The following PRICKLE3 variants were observed in gnomAD, a reference collection of about 807,000 sequenced individuals.
PRICKLE3 encodes the protein prickle planar cell polarity protein 3.
In PRICKLE3, 17 loss-of-function variants were observed where a neutral mutation model predicts 33.8. The observed-to-expected ratio is 0.50, with a 90% CI of 0.34 to 0.75. PRICKLE3 has a LOEUF of 0.75. PRICKLE3 is among the 30% of genes least tolerant of loss of function. The pLI, the probability that PRICKLE3 is intolerant of heterozygous loss-of-function variation, is 0.01. For missense variants in PRICKLE3, 573 were observed against 576.7 expected, an observed-to-expected ratio of 0.99 and a Z score of 0.07; for synonymous variants, 211 against 219.6, an observed-to-expected ratio of 0.96 and a Z score of 0.34.
chrX:49,180,885 C>G (rs1057509284), intron 3 of PRICKLE3, among the ~76,000 whole-genome samples: 1 of 111,375 alleles, frequency 9.0e-6, no homozygotes, highest in African/African-American at 3.3e-5. Context: ...CCCTTGAGTT[C>G]CAGGCAATGT....
intron 3 of PRICKLE3, among the ~76,000 whole-genome samples, chrX:49,180,242 G>A (rs1461536337): frequency 1.8e-5 from 2 of 109,559 alleles, no homozygotes; most frequent in African/African-American, 6.7e-5. Context: ...ATGTTGGCCA[G>A]GCTGGTCTCG....
chrX:49,186,149 A>G, intron 1 of PRICKLE3, 107 bp downstream of exon 1: 1 of 941,868 alleles, frequency 1.1e-6, no homozygotes, highest in Non-Finnish European at 1.4e-6. Flanking sequence ...AGGGGATGGG[A>G]TTCCCAGATC....
Position 49,177,000 on chromosome X carries a change from A to T in PRICKLE3, c.1158T>A (p.Pro386=), listed in dbSNP as rs1557100163. 8.3e-7 allele frequency: 1 copy of T among 1,210,682 alleles called. No homozygotes were observed. The highest frequency in any genetic ancestry group is 1.1e-6 in the Non-Finnish European group (1 of 894,833). Reference sequence around the variant, plus strand: ...TGGAGGCTGCAAGTGGGGCTGTGACAGGGCCGGCACTCCAGCTGCGGCGGC... The same window carrying T: ...TGGAGGCTGCAAGTGGGGCTGTGACTGGGCCGGCACTCCAGCTGCGGCGGC... ...GPSRRSWSAG[P]VTAPLAASTA... is the part of the protein sequence containing the mutation. The change falls in exon 8 of 9, where the codon CCT becomes CCA. Residue 386 remains proline (P), a synonymous_variant. Transcript: ENST00000599218.
At chrX:49,185,078 C>T (rs138534333) in intron 1 of PRICKLE3, among the ~76,000 whole-genome samples, 5,497 of 111,176 alleles carry the variant, frequency 0.049, 365 homozygotes, top group African/African-American at 0.17. Context: ...AGCACAGAAC[C>T]CCTACTCTGG....
At chrX:49,182,523 C>G in intron 3 of PRICKLE3, among the ~76,000 whole-genome samples, 1 of 112,812 alleles carries the variant, frequency 8.9e-6, no homozygotes, top group East Asian at 2.8e-4. Flanking sequence ...ATATGCCAAG[C>G]ACACGCCTGC....
At position 49,176,001 on chromosome X, in the gene PRICKLE3, G is replaced by A. The variant is rs1557099889; in HGVS notation, c.1520C>T (p.Ala507Val). The change falls in exon 9 of 9, where the codon GCC becomes GTC. Residue 507 changes from alanine (A) to valine (V), a missense_variant. Coordinates refer to ENST00000599218, the MANE Select transcript of PRICKLE3 (RefSeq NM_006150.5). ...ATGATGGTGGCGGCGACGGCTGGGGGCCCTGGGTGGGGGACTGCGTGGCCT... is the reference window on the plus strand; with the variant it reads ...ATGATGGTGGCGGCGACGGCTGGGGACCCTGGGTGGGGGACTGCGTGGCCT... ...RRRPRSPPPR[A>V]PSRRRHHHHN... The A allele has an allele frequency of 8.3e-7, 1 of 1,211,022 alleles. No homozygotes were observed. Among genetic ancestry groups the A allele is most frequent in the Admixed American group, 2.2e-5 (1 of 46,008 alleles).
chrX:49,185,664 G>C (rs1557101774), intron 1 of PRICKLE3, among the ~76,000 whole-genome samples: 1 of 110,853 alleles, frequency 9.0e-6, no homozygotes, highest in Non-Finnish European at 1.9e-5. Context: ...ACTTTGGGAG[G>C]CCGAGGTGGG....
intron 2 of PRICKLE3, 115 bp downstream of exon 2, chrX:49,184,510 A>C: frequency 1.4e-5 from 10 of 693,618 alleles, no homozygotes; most frequent in Non-Finnish European, 2.1e-5. Flanking sequence ...TCTTTTCCCA[A>C]CTGAGATCCC....
chrX:49,184,646 C>T lies in PRICKLE3; in HGVS notation c.107G>A (p.Gly36Asp). 5.4e-6 allele frequency: 6 copies of T among 1,115,813 alleles called. No individual in the cohort carries two copies. Among genetic ancestry groups the T allele is most frequent in the Non-Finnish European group, 7.1e-6 (6 of 844,354 alleles). 92.0% of individuals were successfully genotyped at this position (1,115,813 alleles called of 1,213,427 possible). ...PCNSCREQCP[G>D]FLLHGWRKIC... ...TTACCTCCAGCCGTGGAGCAGGAAG[C>T]CAGGGCACTGCTCCCTACAGGAGTT... is the stretch of plus-strand genomic sequence containing the variant. The change falls in exon 2 of 9, where the codon GGC becomes GAC. Residue 36 changes from glycine (G) to aspartate (D), a missense_variant. Coordinates refer to ENST00000599218, the MANE Select transcript of PRICKLE3 (RefSeq NM_006150.5).
intron 8 of PRICKLE3, 67 bp from the exon 9 acceptor site, chrX:49,176,332 C>T: frequency 1.2e-6 from 1 of 862,043 alleles, no homozygotes; most frequent in Non-Finnish European, 1.6e-6. Flanking sequence ...TAAGAGGAGG[C>T]CTGCGGAAGG....
intron 2 of PRICKLE3, 74 bp from the exon 3 acceptor site, chrX:49,183,991 G>C: frequency 9.1e-7 from 1 of 1,096,634 alleles, no homozygotes. Flanking sequence ...AGGTCCAATG[G>C]AGGAGCGGGG....
chrX:49,177,928 G>A lies in PRICKLE3; in HGVS notation c.955+65C>T, dbSNP rs1289943951. The A allele has an allele frequency of 6.4e-6, 7 of 1,085,631 alleles. No individual in the cohort carries two copies. In the East Asian group the frequency reaches 1.5e-4, roughly 24 times the overall value. The allele number at this position is 1,085,631 out of a possible 1,213,427, so 89.5% of individuals were successfully genotyped here. On this transcript the variant is annotated intron_variant, in intron 7 of 8. Coordinates refer to ENST00000599218, the MANE Select transcript of PRICKLE3 (RefSeq NM_006150.5). ...GGCCTGGAGGACAGGAGGAGTCCTG[G>A]TGGGGTAGGACTGTGGCCCAGCTGT...
At position 49,175,597 on chromosome X, in the gene PRICKLE3, G is replaced by T; in HGVS notation, c.*76C>A. On this transcript the variant is annotated 3_prime_UTR_variant, in exon 9 of 9. Transcript: ENST00000599218. ...TTTATGACTTAGGTTGTAGGGGCGG[G>T]GCGTGGGGGTGAGGGGCATGGGCCT... The T allele has an allele frequency of 1.1e-6, 1 of 870,279 alleles. No homozygotes were observed. The highest frequency in any genetic ancestry group is 2.4e-5 in the South Asian group (1 of 41,116). 71.7% of individuals were successfully genotyped at this position (870,279 alleles called of 1,213,427 possible). A position where few individuals can be genotyped will look rare whatever the true frequency, so the allele number is the denominator to read the frequency against.
At chrX:49,182,935 T>G (rs1307118985) in intron 3 of PRICKLE3, among the ~76,000 whole-genome samples, 1 of 109,191 alleles carries the variant, frequency 9.2e-6, no homozygotes, top group Non-Finnish European at 1.9e-5. Context: ...ACAATTCTCC[T>G]GCCTCAGCCT....
In PRICKLE3 at chrX:49,184,487, C is replaced by T. The variant is rs1483386361; in HGVS notation, c.128+138G>A. 5.2e-6 allele frequency: 3 copies of T among 582,418 alleles called. No individual in the cohort carries two copies. The Admixed American group carries it at 1.4e-4, about 27-fold the overall frequency. The allele number at this position is 582,418 out of a possible 1,213,427, so 48.0% of individuals were successfully genotyped here. Reference sequence around the variant, plus strand: ...TGAGTCAGGGGGCGGGGCTCTGAATCTGAGCCTGAGGCTCTTTTCCCAACT... The same window carrying T: ...TGAGTCAGGGGGCGGGGCTCTGAATTTGAGCCTGAGGCTCTTTTCCCAACT... On this transcript the variant is annotated intron_variant, in intron 2 of 8. Transcript: ENST00000599218.
At chrX:49,183,674 TG>T (rs2065468326) in intron 3 of PRICKLE3, 59 bp downstream of exon 3, 2 of 1,205,109 alleles carry the variant, frequency 1.7e-6, no homozygotes, top group Non-Finnish European at 2.2e-6. Context: ...TGTGTGTGTG[TG>T]TGTGAGCATT....
In PRICKLE3 at chrX:49,176,922, G is replaced by T; in HGVS notation, c.1236C>A (p.Thr412=). 2 of 1,199,449 alleles carry T rather than the reference G, an allele frequency of 1.7e-6. No homozygotes were observed. The highest frequency in any genetic ancestry group is 2.2e-6 in the Non-Finnish European group (2 of 890,285). ...KGASETTTKG[T]STELAPATGP... is the part of the protein sequence containing the mutation. ...GCTCACCTGGCGCTAACTCTGTGCT[G>T]GTGCCTTTGGTGGTGGTCTCTGATG... Residue 412 remains threonine, a synonymous_variant, in exon 8 of 9, where the codon ACC becomes ACA. Transcript: ENST00000599218.
chrX:49,181,576 TATATATATACGCGTGTATCTATATAC>T (rs2065454288), intron 3 of PRICKLE3, among the ~76,000 whole-genome samples: 1 of 63,687 alleles, frequency 1.6e-5, no homozygotes, highest in Non-Finnish European at 2.9e-5. Flanking sequence ...TATATATACG[TATATATATACGCGTGTATCTATATAC>T]GTATATATAT....
intron 2 of PRICKLE3, 76 bp downstream of exon 2, chrX:49,184,549 G>T (rs1219506002): frequency 6.4e-5 from 59 of 919,619 alleles, no homozygotes; most frequent in Non-Finnish European, 7.5e-5. Context: ...GCGTAGGGGC[G>T]TGGCGTAAGG....
Sources: gnomAD v4.1 joint callset for allele counts (sites outside exome capture counted in the v4.1 genomes callset) on GRCh38, gnomAD v4.1.1 for gene constraint, MANE v1.5 for transcripts, NCBI Gene and HGNC (gene_info 2026-07-23, HGNC 2026-07-21) for gene names.